CCDC122: variants seen among roughly 807,000 people sequenced by gnomAD.
CCDC122 encodes the protein coiled-coil domain-containing protein 122.
In CCDC122, 38 loss-of-function variants were observed where a neutral mutation model predicts 37.0. The observed-to-expected ratio is 1.03, with a 90% CI of 0.79 to 1.35. The LOEUF (loss-of-function observed/expected upper bound fraction) is 1.35, where lower values mean the gene tolerates loss of function less well. CCDC122 is among the 40% of genes most tolerant of loss of function. The pLI, the probability that CCDC122 is intolerant of heterozygous loss-of-function variation, is 0.00. For missense variants in CCDC122, 305 were observed against 310.0 expected, an observed-to-expected ratio of 0.98 and a Z score of 0.12; for synonymous variants, 83 against 95.6, an observed-to-expected ratio of 0.87 and a Z score of 0.77.
At chr13:43,847,210 G>A (rs1404541394) in intron 6 of CCDC122, among the ~76,000 whole-genome samples, 1 of 152,160 alleles carries the variant, frequency 6.6e-6, no homozygotes, top group East Asian at 1.9e-4. Flanking sequence ...TGTTGAATAA[G>A]TAAATTAGTT....
At chr13:43,844,117 A>G (rs1953441665) in intron 6 of CCDC122, among the ~76,000 whole-genome samples, 2 of 151,746 alleles carry the variant, frequency 1.3e-5, no homozygotes, top group Admixed American at 6.6e-5. Context: ...GTGATGGTGG[A>G]AGCTTAGATA....
At chr13:43,872,985 T>C (rs988344985) in intron 2 of CCDC122, among the ~76,000 whole-genome samples, 7 of 152,164 alleles carry the variant, frequency 4.6e-5, no homozygotes, top group Admixed American at 3.3e-4. Flanking sequence ...GAGCTCCACA[T>C]TGCCACATTC....
chr13:43,821,986 C>G (rs375873854), downstream of CCDC122, among the ~76,000 whole-genome samples: 1 of 152,284 alleles, frequency 6.6e-6, no homozygotes. Flanking sequence ...CAGGATTGGT[C>G]CCTGGTGCCT....
At chr13:43,832,644 C>T (rs1953100414), downstream of CCDC122, among the ~76,000 whole-genome samples, 1 of 151,980 alleles carries the variant, frequency 6.6e-6, no homozygotes, top group Non-Finnish European at 1.5e-5. Context: ...TTATTGTATG[C>T]CTTGCAATAT....
At chr13:43,835,106 T>C (rs1486042881), downstream of CCDC122, among the ~76,000 whole-genome samples, 2 of 152,012 alleles carry the variant, frequency 1.3e-5, no homozygotes, top group Non-Finnish European at 2.9e-5. Context: ...GTGGCACATA[T>C]ACACCATGGA....
intron 6 of CCDC122, among the ~76,000 whole-genome samples, chr13:43,838,099 T>G (rs1953224491): frequency 6.6e-6 from 1 of 152,204 alleles, no homozygotes; most frequent in Admixed American, 6.5e-5. Flanking sequence ...CTGCCCACTT[T>G]GTGAAGTGGA....
chr13:43,821,768 G>C (rs1277510315), downstream of CCDC122, among the ~76,000 whole-genome samples: 1 of 152,072 alleles, frequency 6.6e-6, no homozygotes, highest in South Asian at 2.1e-4. Flanking sequence ...CTGATATTAA[G>C]AGGCTCTGAT....
chr13:43,879,344 C>T (rs12868462), intron 1 of CCDC122: 57,041 of 154,140 alleles, frequency 0.37, 12,867 homozygotes, highest in Non-Finnish European at 0.52. Flanking sequence ...GCCGCCCTAT[C>T]CCTCCTCAAG....
chr13:43,857,399 T>C (rs1282753659), intron 6 of CCDC122, among the ~76,000 whole-genome samples: 6 of 152,090 alleles, frequency 3.9e-5, no homozygotes, highest in African/African-American at 1.4e-4. Flanking sequence ...TAAATGCTTT[T>C]CTGACACAAA....
Position 43,859,893 on chromosome 13 carries a change from C to T in CCDC122, c.334G>A (p.Glu112Lys). The change falls in exon 5 of 7, where the codon GAA becomes AAA. Residue 112 changes from glutamate (E) to lysine (K), a missense_variant. Physicochemically the swap from Glu to Lys is moderately conservative, Grantham distance 56. Coordinates refer to ENST00000444614, the MANE Select transcript of CCDC122 (RefSeq NM_144974.5). Reference protein sequence around the residue: ...SENVKLKFDIETAQEDFEEHM... With the variant: ...SENVKLKFDIKTAQEDFEEHM... The stretch of plus-strand genomic sequence containing the variant: ...TCCTCAAAATCTTCTTGGGCTGTTT[C>T]TATGTCAAATTTAAGCTTTACATTT... The T allele has an allele frequency of 6.2e-7, 1 of 1,606,748 alleles. No homozygotes were observed. Among genetic ancestry groups the T allele is most frequent in the Non-Finnish European group, 8.5e-7 (1 of 1,177,218 alleles).
chr13:43,836,191 C>T (rs564666367), downstream of CCDC122, among the ~76,000 whole-genome samples: 50 of 152,092 alleles, frequency 3.3e-4, no homozygotes, highest in African/African-American at 1.2e-3. Context: ...TCAATGGAAC[C>T]ATGAAAAGGA....
chr13:43,851,812 C>T (rs1232479575), intron 6 of CCDC122, among the ~76,000 whole-genome samples: 1 of 152,172 alleles, frequency 6.6e-6, no homozygotes, highest in Admixed American at 6.5e-5. Flanking sequence ...GGGCCTGATA[C>T]AAGTCCCCCA....
At chr13:43,839,061 T>C (rs1953262330) in intron 6 of CCDC122, among the ~76,000 whole-genome samples, 1 of 152,210 alleles carries the variant, frequency 6.6e-6, no homozygotes, top group African/African-American at 2.4e-5. Flanking sequence ...TCAGCAAGGA[T>C]GACTCCAGTG....
Position 43,868,683 on chromosome 13 carries a change from A to G in CCDC122, c.156+11T>C, listed in dbSNP as rs973892249. 2 of 1,428,306 alleles carry G rather than the reference A, an allele frequency of 1.4e-6. No homozygotes were observed. Among genetic ancestry groups the G allele is most frequent in the Admixed American group, 2.2e-5 (1 of 46,322 alleles). 88.5% of individuals were successfully genotyped at this position (1,428,306 alleles called of 1,614,324 possible). On this transcript the variant is annotated intron_variant, in intron 4 of 6. Coordinates refer to ENST00000444614, the MANE Select transcript of CCDC122 (RefSeq NM_144974.5). ...AGTAAAGACATTTAAAAGACTATATAAAGAAGTTACCTTCAAATTGAACAG... is the reference window on the plus strand; with the variant it reads ...AGTAAAGACATTTAAAAGACTATATGAAGAAGTTACCTTCAAATTGAACAG...
chr13:43,849,376 G>C lies in CCDC122; in HGVS notation c.672+9405C>G, dbSNP rs183189998. 1.8e-4 allele frequency among the ~76,000 whole-genome samples: 28 copies of C among 152,276 alleles called. No individual in the cohort carries two copies. In the East Asian group the frequency reaches 5.4e-3, roughly 29 times the overall value. On this transcript the variant is annotated intron_variant, in intron 6 of 6. Transcript: ENST00000444614. The stretch of plus-strand genomic sequence containing the variant: ...ATACTACTGCTGGCAAGATGAAGTA[G>C]ATATACTACAGTTACCTATTCTTCC...
chr13:43,840,469 G>T (rs1953310837), intron 6 of CCDC122, among the ~76,000 whole-genome samples: 1 of 151,894 alleles, frequency 6.6e-6, no homozygotes. Context: ...ATGTTGGTTT[G>T]CTGCACCCAT....
chr13:43,849,838 A>AGGAGCCAGGAGTTTTAACTGT (rs933731337), intron 6 of CCDC122, among the ~76,000 whole-genome samples: 2 of 152,174 alleles, frequency 1.3e-5, no homozygotes, highest in African/African-American at 4.8e-5. Flanking sequence ...AAGCTAACTA[A>AGGAGCCAGGAGTTTTAACTGT]GGAGCCAGGA....
intron 3 of CCDC122, among the ~76,000 whole-genome samples, chr13:43,827,833 A>C (rs953053220): frequency 1.6e-4 from 25 of 152,190 alleles, no homozygotes; most frequent in Non-Finnish European, 3.5e-4. Flanking sequence ...ATGTTAAATG[A>C]AGTTCAGCTT....
Position 43,859,888 on chromosome 13 carries a change from TG to T in CCDC122, c.338del (p.Thr113LysfsTer10). ...TGTGTTCCTCAAAATCTTCTTGGGC[TG>T]TTTCTATGTCAAATTTAAGCTTTAC... ...ENVKLKFDIETAQEDFEEHMI... is the reference protein window; with the variant it reads ...ENVKLKFDIEXAQEDFEEHMI... On this transcript the variant is annotated frameshift_variant, in exon 5 of 7. Coordinates refer to ENST00000444614, the MANE Select transcript of CCDC122 (RefSeq NM_144974.5). LOFTEE classifies it high-confidence loss of function. 1 of 1,607,062 alleles carries T rather than the reference TG, an allele frequency of 6.2e-7. No individual in the cohort carries two copies. The highest frequency in any genetic ancestry group is 8.5e-7 in the Non-Finnish European group (1 of 1,177,402).
Sources: allele counts gnomAD v4.1 joint callset (sites outside exome capture counted in the v4.1 genomes callset), GRCh38; gene constraint gnomAD v4.1.1; transcripts MANE v1.5; gene names NCBI Gene and HGNC (gene_info 2026-07-23, HGNC 2026-07-21).